The following CPE variants were observed in gnomAD, a reference collection of about 807,000 sequenced individuals.
The protein encoded by CPE is carboxypeptidase E.
A neutral mutation model predicts 53.5 loss-of-function variants in CPE; 17 were observed. The ratio of observed to expected loss-of-function variants is 0.32; its 90% CI spans 0.22 to 0.48. The LOEUF (loss-of-function observed/expected upper bound fraction) is 0.48. CPE is among the 20% of genes least tolerant of loss of function. The pLI is 0.99. For missense variants in CPE, 524 were observed against 614.7 expected, an observed-to-expected ratio of 0.85 and a Z score of 1.56; for synonymous variants, 226 against 228.8, an observed-to-expected ratio of 0.99 and a Z score of 0.11.
intron 1 of CPE, chr4:165,406,449 A>C (rs1730956202): frequency 7.1e-6 from 2 of 280,150 alleles, no homozygotes; most frequent in Non-Finnish European, 1.4e-5. Context: ...GAGAATACAA[A>C]TGAACTGACT....
intron 1 of CPE, among the ~76,000 whole-genome samples, chr4:165,385,256 A>T (rs1262180123): frequency 2.6e-5 from 4 of 152,106 alleles, no homozygotes; most frequent in African/African-American, 9.7e-5. Context: ...GTTGGTCTGG[A>T]AACTGTGCTC....
intron 1 of CPE, among the ~76,000 whole-genome samples, chr4:165,436,467 A>G (rs1184382547): frequency 6.6e-6 from 1 of 152,188 alleles, no homozygotes; most frequent in Non-Finnish European, 1.5e-5. Context: ...CTATGTAATC[A>G]ATGGGGAAAG....
chr4:165,487,368 A>T, intron 5 of CPE, 70 bp from the exon 6 acceptor site: 1 of 1,586,926 alleles, frequency 6.3e-7, no homozygotes, highest in African/African-American at 1.3e-5. Flanking sequence ...TTCTTGATTC[A>T]GAAGACTAGC....
At chr4:165,429,574 C>T (rs984719543) in intron 1 of CPE, among the ~76,000 whole-genome samples, 2 of 151,930 alleles carry the variant, frequency 1.3e-5, no homozygotes, top group Non-Finnish European at 2.9e-5. Context: ...TGGTGGTGGG[C>T]ACCTGTAGTC....
chr4:165,382,362 C>T, intron 1 of CPE, among the ~76,000 whole-genome samples: 1 of 152,138 alleles, frequency 6.6e-6, no homozygotes, highest in East Asian at 1.9e-4. Flanking sequence ...GGCCAATTGT[C>T]TTTACTATTT....
chr4:165,400,090 T>C (rs1210955535), intron 1 of CPE, among the ~76,000 whole-genome samples: 1 of 152,186 alleles, frequency 6.6e-6, no homozygotes, highest in African/African-American at 2.4e-5. Flanking sequence ...TGTTTGGGAG[T>C]TAACAGAAAT....
intron 1 of CPE, among the ~76,000 whole-genome samples, chr4:165,447,688 C>G (rs921733515): frequency 2.0e-5 from 3 of 151,980 alleles, no homozygotes; most frequent in Admixed American, 2.0e-4. Flanking sequence ...TTTTTTGACT[C>G]TTTTGTAATC....
In CPE at chr4:165,417,528, C is replaced by G. The variant is rs142401919; in HGVS notation, c.307+38000C>G. ...ACAAACAGTAGAACTGGCAGCCATT[C>G]ATTCATTCCACAAATATTTATTGGC... On this transcript the variant is annotated intron_variant, in intron 1 of 8. Transcript: ENST00000402744. Among the ~76,000 whole-genome samples, 449 of 150,770 alleles carry G rather than the reference C, an allele frequency of 3.0e-3. 1 individual carries two copies. Among genetic ancestry groups the G allele is most frequent in the African/African-American group, 0.01 (428 of 40,944 alleles).
At chr4:165,490,130 A>G (rs1414034562) in intron 6 of CPE, among the ~76,000 whole-genome samples, 2 of 152,246 alleles carry the variant, frequency 1.3e-5, no homozygotes, top group East Asian at 3.8e-4. Context: ...AGCTTGGACT[A>G]GTTTACAACT....
intron 1 of CPE, among the ~76,000 whole-genome samples, chr4:165,419,353 A>T (rs1731170575): frequency 6.6e-6 from 1 of 152,126 alleles, no homozygotes; most frequent in South Asian, 2.1e-4. Flanking sequence ...TTCCCTTGAG[A>T]ACTGAAGGCA....
chr4:165,423,022 T>C (rs1731253311), intron 1 of CPE, among the ~76,000 whole-genome samples: 1 of 147,236 alleles, frequency 6.8e-6, no homozygotes, highest in African/African-American at 2.5e-5. Flanking sequence ...TGGTCCAGAA[T>C]GGAGGGACAA....
Position 165,491,432 on chromosome 4 carries a change from G to A in CPE, c.1114-1739G>A, listed in dbSNP as rs568785391. Among the ~76,000 whole-genome samples, 288 of 152,214 alleles carry A rather than the reference G, an allele frequency of 1.9e-3. 2 individuals are homozygous for A. The Middle Eastern group carries it at 0.031, about 16-fold the overall frequency. ...ATGGGGCCTCATTTTAAGAAATTTA[G>A]AGTTTGGGTCTCTATATATAGCCCT... On this transcript the variant is annotated intron_variant, in intron 6 of 8. Coordinates refer to ENST00000402744, the MANE Select transcript of CPE (RefSeq NM_001873.4).
intron 1 of CPE, among the ~76,000 whole-genome samples, chr4:165,438,661 A>G (rs1731553470): frequency 6.6e-6 from 1 of 152,218 alleles, no homozygotes; most frequent in African/African-American, 2.4e-5. Flanking sequence ...AGTCACTAAA[A>G]TTAACATGGT....
At position 165,497,809 on chromosome 4, in the gene CPE, GTAT is replaced by G. The variant is rs1732729677; in HGVS notation, c.*201_*203del. The G allele has an allele frequency of 9.8e-6, 3 of 307,334 alleles. No homozygotes were observed. Among genetic ancestry groups the G allele is most frequent in the Non-Finnish European group, 1.8e-5 (3 of 171,004 alleles). 19.0% of individuals were successfully genotyped at this position (307,334 alleles called of 1,614,324 possible). A position where few individuals can be genotyped will look rare whatever the true frequency, so the allele number is the denominator to read the frequency against. ...TTGATATATTTCATTCTCTTATATA[GTAT>G]TCATTTTCCTACCTATATTACACAA... On this transcript the variant is annotated 3_prime_UTR_variant, in exon 9 of 9. Coordinates refer to ENST00000402744, the MANE Select transcript of CPE (RefSeq NM_001873.4).
At chr4:165,424,125 A>ATTT (rs71602591) in intron 1 of CPE, among the ~76,000 whole-genome samples, 26 of 150,550 alleles carry the variant, frequency 1.7e-4, no homozygotes, top group East Asian at 9.8e-4. Context: ...TTCTTGCTGC[A>ATTT]TTTTTTTTTA....
In CPE at chr4:165,437,954, G is replaced by A. The variant is rs191916642; in HGVS notation, c.308-26436G>A. On this transcript the variant is annotated intron_variant, in intron 1 of 8. Coordinates refer to ENST00000402744, the MANE Select transcript of CPE (RefSeq NM_001873.4). Reference sequence around the variant, plus strand: ...TTCAGGATGAGGTGTGAATCAGAAAGTGTCTGGAGGGGTGGAAGAGACTAG... The same window carrying A: ...TTCAGGATGAGGTGTGAATCAGAAAATGTCTGGAGGGGTGGAAGAGACTAG... Among the ~76,000 whole-genome samples the A allele has an allele frequency of 3.5e-3, 533 of 152,278 alleles. 3 individuals are homozygous for A. Among genetic ancestry groups the A allele is most frequent in the African/African-American group, 0.012 (510 of 41,532 alleles).
chr4:165,424,743 C>A (rs1300319496), intron 1 of CPE, among the ~76,000 whole-genome samples: 2 of 151,826 alleles, frequency 1.3e-5, no homozygotes, highest in Non-Finnish European at 2.9e-5. Flanking sequence ...ACCGTGTTAG[C>A]CAGGATGGTC....
chr4:165,410,822 CTGTG>C (rs3073916), intron 1 of CPE, among the ~76,000 whole-genome samples: 43,542 of 150,464 alleles, frequency 0.29, 6,355 homozygotes, highest in Middle Eastern at 0.4. Context: ...GGCAGAAAGA[CTGTG>C]TGTGTGTGTG....
intron 1 of CPE, among the ~76,000 whole-genome samples, chr4:165,422,387 C>A (rs6832392): frequency 0.3 from 44,882 of 151,288 alleles, 6,729 homozygotes; most frequent in Middle Eastern, 0.39. Context: ...TGTTTGGTTC[C>A]TTTATTTTTA....
Sources: allele counts gnomAD v4.1 joint callset (sites outside exome capture counted in the v4.1 genomes callset), GRCh38; gene constraint gnomAD v4.1.1; transcripts MANE v1.5; gene names NCBI Gene and HGNC (gene_info 2026-07-23, HGNC 2026-07-21).